Variants in TAB2 observed in about 807,000 individuals in gnomAD.
TAB2 encodes TGF-beta activated kinase 1 (MAP3K7) binding protein 2.
TAB2 carries 3 observed loss-of-function variants against 65.0 expected under a neutral mutation model. The ratio of observed to expected loss-of-function variants is 0.05; its 90% CI spans 0.02 to 0.12. TAB2 has a LOEUF of 0.12. Ranked by LOEUF, TAB2 falls within the 10% of genes least tolerant of loss-of-function variation. The probability of loss-of-function intolerance (pLI) is 1.00; values close to 1 mark genes in which losing one functional copy is unlikely to be tolerated. For missense variants in TAB2, 623 were observed against 840.3 expected, an observed-to-expected ratio of 0.74 and a Z score of 3.20; for synonymous variants, 298 against 285.1, an observed-to-expected ratio of 1.05 and a Z score of -0.46.
At chr6:149,326,271 C>CAAAAA (rs59070515) in intron 1 of TAB2, among the ~76,000 whole-genome samples, 3 of 125,006 alleles carry the variant, frequency 2.4e-5, no homozygotes, top group African/African-American at 6.0e-5. Flanking sequence ...GACCCCATCT[C>CAAAAA]AAAAAAAAAA....
intron 3 of TAB2, among the ~76,000 whole-genome samples, chr6:149,389,592 C>A (rs1781914289): frequency 1.3e-5 from 2 of 149,084 alleles, no homozygotes; most frequent in Non-Finnish European, 3.0e-5. Context: ...TTGTGGTGAG[C>A]CAAGATCACG....
intron 3 of TAB2, among the ~76,000 whole-genome samples, chr6:149,396,145 G>C (rs1020946029): frequency 2.0e-5 from 3 of 152,078 alleles, no homozygotes; most frequent in African/African-American, 7.2e-5. Flanking sequence ...AGCCTCCCAA[G>C]TAGCTGGGAT....
At chr6:149,387,122 AT>A (rs1386269024) in intron 3 of TAB2, among the ~76,000 whole-genome samples, 1 of 151,766 alleles carries the variant, frequency 6.6e-6, no homozygotes, top group Non-Finnish European at 1.5e-5. Context: ...AACTCTATGT[AT>A]TTTTTCTTTT....
chr6:149,260,505 G>T (rs1320362005), intron 1 of TAB2, among the ~76,000 whole-genome samples: 1 of 152,202 alleles, frequency 6.6e-6, no homozygotes, highest in Non-Finnish European at 1.5e-5. Context: ...AGCTGTTGCA[G>T]AAGCCCATCT....
intron 3 of TAB2, among the ~76,000 whole-genome samples, chr6:149,395,204 A>T (rs1488437092): frequency 6.6e-6 from 1 of 152,254 alleles, no homozygotes; most frequent in Admixed American, 6.5e-5. Context: ...AACTTATTAA[A>T]ATAATAGATA....
chr6:149,243,115 G>T (rs1308980446), intron 1 of TAB2, among the ~76,000 whole-genome samples: 2 of 152,192 alleles, frequency 1.3e-5, no homozygotes, highest in Non-Finnish European at 2.9e-5. Context: ...AAACACAGGG[G>T]TTCATTCCCT....
chr6:149,317,305 C>A (rs887672280), upstream of TAB2, among the ~76,000 whole-genome samples: 21 of 152,160 alleles, frequency 1.4e-4, no homozygotes, highest in Non-Finnish European at 2.6e-4. The surrounding 1 kb of genome is among the most constrained non-coding windows in gnomAD (Gnocchi z 4.7). Context: ...CCTCGCACGG[C>A]CCCAGCGGCG....
At chr6:149,345,891 A>G (rs1456733603) in intron 1 of TAB2, among the ~76,000 whole-genome samples, 1 of 152,276 alleles carries the variant, frequency 6.6e-6, no homozygotes, top group African/African-American at 2.4e-5. Flanking sequence ...ATTTGTCCAT[A>G]TAATTATTTG....
intron 1 of TAB2, among the ~76,000 whole-genome samples, chr6:149,318,383 C>T (rs972195344): frequency 2.0e-5 from 3 of 151,936 alleles, no homozygotes; most frequent in African/African-American, 7.3e-5. Context: ...CCCTGACCCG[C>T]CCCCAGGCAT....
chr6:149,279,228 G>A (rs1314528923), intron 1 of TAB2, among the ~76,000 whole-genome samples: 2 of 152,152 alleles, frequency 1.3e-5, no homozygotes, highest in African/African-American at 4.8e-5. Flanking sequence ...TCATTTGACT[G>A]TGTACCACAT....
intron 1 of TAB2, among the ~76,000 whole-genome samples, chr6:149,294,967 TA>T (rs1285489719): frequency 1.3e-5 from 2 of 152,196 alleles, no homozygotes; most frequent in African/African-American, 4.8e-5. Flanking sequence ...AACACACAGG[TA>T]AAGAAAAAGA....
intron 1 of TAB2, among the ~76,000 whole-genome samples, chr6:149,261,738 T>C (rs1002343413): frequency 2.6e-5 from 4 of 152,242 alleles, no homozygotes; most frequent in Non-Finnish European, 5.9e-5. Flanking sequence ...GGATCATGTC[T>C]CCTCTAGAGA....
chr6:149,369,816 A>T (rs1048437453), intron 1 of TAB2, 93 bp from the exon 2 acceptor site: 8 of 624,884 alleles, frequency 1.3e-5, no homozygotes, highest in Admixed American at 8.4e-5. Context: ...TTAAGTGCTA[A>T]AGCACATATT....
At chr6:149,369,703 A>AG (rs1197225334) in intron 1 of TAB2, among the ~76,000 whole-genome samples, 2 of 152,224 alleles carry the variant, frequency 1.3e-5, no homozygotes, top group African/African-American at 4.8e-5. Context: ...TAAATACATA[A>AG]GAGTTAGACA....
intron 1 of TAB2, among the ~76,000 whole-genome samples, chr6:149,221,720 T>C (rs567224780): frequency 6.6e-6 from 1 of 152,280 alleles, no homozygotes; most frequent in African/African-American, 2.4e-5. Flanking sequence ...GAGGACTTTG[T>C]TTATGAAGCC....
upstream of TAB2, among the ~76,000 whole-genome samples, chr6:149,317,227 C>T (rs1257196817): frequency 2.0e-5 from 3 of 151,934 alleles, no homozygotes; most frequent in East Asian, 5.8e-4. This position sits in a 1 kb window ranked among gnomAD's most constrained non-coding sequence, Gnocchi z 4.7. Context: ...AACCTACCCC[C>T]AAGGATGGGG....
At chr6:149,373,640 GT>G (rs1372164300) in intron 2 of TAB2, among the ~76,000 whole-genome samples, 2 of 152,194 alleles carry the variant, frequency 1.3e-5, no homozygotes, top group African/African-American at 4.8e-5. Flanking sequence ...CTGTGCAGGA[GT>G]TTGGGGAAAA....
At chr6:149,262,962 C>T (rs1778186050) in intron 1 of TAB2, among the ~76,000 whole-genome samples, 1 of 152,074 alleles carries the variant, frequency 6.6e-6, no homozygotes, top group African/African-American at 2.4e-5. Context: ...CACCATTGTG[C>T]CCAGCTAATT....
chr6:149,351,912 TCA>T (rs1780503195), intron 1 of TAB2, among the ~76,000 whole-genome samples: 1 of 152,232 alleles, frequency 6.6e-6, no homozygotes, highest in East Asian at 1.9e-4. Context: ...ACATGTTCTT[TCA>T]CCAGAAAATT....
Sources: allele counts gnomAD v4.1 joint callset (sites outside exome capture counted in the v4.1 genomes callset), GRCh38; gene constraint gnomAD v4.1.1; non-coding constraint Gnocchi (gnomAD v3.1); transcripts MANE v1.5; gene names NCBI Gene and HGNC (gene_info 2026-07-23, HGNC 2026-07-21).